Variants in NLGN1 observed in about 807,000 individuals in gnomAD.
The protein encoded by NLGN1 is neuroligin-1.
In NLGN1, 12 loss-of-function variants were observed where a neutral mutation model predicts 65.5. The ratio of observed to expected loss-of-function variants is 0.18; its 90% CI spans 0.12 to 0.30. NLGN1 has a LOEUF of 0.30. NLGN1 is among the 10% of genes least tolerant of loss of function. The pLI is 1.00. For missense variants in NLGN1, 750 were observed against 1,007.1 expected (o/e 0.74, Z 3.46); for synonymous variants, 350 against 359.5 (o/e 0.97, Z 0.30).
chr3:174,126,327 T>C (rs1718939568), intron 4 of NLGN1, among the ~76,000 whole-genome samples: 1 of 152,044 alleles, frequency 6.6e-6, no homozygotes, highest in Non-Finnish European at 1.5e-5. Flanking sequence ...CACCAGACCA[T>C]AGTGTAGAGG....
chr3:174,229,148 T>C (rs2152815097), intron 4 of NLGN1, among the ~76,000 whole-genome samples: 1 of 152,234 alleles, frequency 6.6e-6, no homozygotes, highest in East Asian at 1.9e-4. Flanking sequence ...CAGTTTTCAT[T>C]ATATAGAATT....
At chr3:173,600,592 C>CTT (rs150984290) in intron 2 of NLGN1, among the ~76,000 whole-genome samples, 2 of 103,478 alleles carry the variant, frequency 1.9e-5, no homozygotes, top group Non-Finnish European at 3.9e-5. Context: ...AAAAACATAT[C>CTT]TTTTTTTTTA....
At chr3:173,986,080 T>C (rs1278728577) in intron 4 of NLGN1, among the ~76,000 whole-genome samples, 2 of 152,182 alleles carry the variant, frequency 1.3e-5, no homozygotes, top group Admixed American at 6.5e-5. Context: ...TATTTGTAAA[T>C]AGAGTCATTG....
At chr3:173,718,745 A>G (rs548319353) in intron 3 of NLGN1, among the ~76,000 whole-genome samples, 21 of 152,294 alleles carry the variant, frequency 1.4e-4, no homozygotes, top group African/African-American at 5.1e-4. Flanking sequence ...ATATGGCTTT[A>G]TCTGATGCAA....
intron 4 of NLGN1, among the ~76,000 whole-genome samples, chr3:174,014,312 C>T (rs1199057027): frequency 1.3e-5 from 2 of 152,286 alleles, no homozygotes; most frequent in East Asian, 3.9e-4. Context: ...CTCCAGACTT[C>T]TTAATACACC....
intron 4 of NLGN1, among the ~76,000 whole-genome samples, chr3:174,228,068 CT>C (rs1470775875): frequency 6.6e-6 from 1 of 151,810 alleles, no homozygotes; most frequent in Non-Finnish European, 1.5e-5. Flanking sequence ...GTGTTTTTCT[CT>C]CTCCATTTTT....
intron 3 of NLGN1, among the ~76,000 whole-genome samples, chr3:173,663,859 CTT>C (rs377287677): frequency 1.0e-4 from 15 of 145,044 alleles, no homozygotes; most frequent in Admixed American, 2.8e-4. Context: ...ATCACTGCTA[CTT>C]TTTTTTTTTT....
chr3:174,171,648 C>T, intron 4 of NLGN1, among the ~76,000 whole-genome samples: 1 of 152,174 alleles, frequency 6.6e-6, no homozygotes, highest in South Asian at 2.1e-4. Context: ...AGCATTTTTA[C>T]AGAGTTGTCA....
intron 4 of NLGN1, among the ~76,000 whole-genome samples, chr3:174,105,671 G>C (rs1713568077): frequency 1.5e-5 from 2 of 131,982 alleles, no homozygotes; most frequent in South Asian, 4.9e-4. Context: ...CTTCCTTGGA[G>C]ACATAATATC....
At chr3:173,650,883 C>G (rs559947507) in intron 3 of NLGN1, among the ~76,000 whole-genome samples, 3 of 148,258 alleles carry the variant, frequency 2.0e-5, no homozygotes, top group Non-Finnish European at 4.5e-5. Flanking sequence ...GCTACTGCCT[C>G]TTGTTATTTT....
intron 4 of NLGN1, among the ~76,000 whole-genome samples, chr3:173,957,820 C>G (rs1488575462): frequency 1.3e-5 from 2 of 152,182 alleles, no homozygotes; most frequent in Non-Finnish European, 2.9e-5. Flanking sequence ...TTTGCTTGGG[C>G]CTGCTGGGCT....
chr3:174,119,245 A>G (rs1717235569), intron 4 of NLGN1, among the ~76,000 whole-genome samples: 1 of 152,146 alleles, frequency 6.6e-6, no homozygotes, highest in Non-Finnish European at 1.5e-5. Flanking sequence ...TTCCAGACCC[A>G]CTTCTATGCA....
chr3:173,747,806 T>TC (rs1775732329), intron 3 of NLGN1, among the ~76,000 whole-genome samples: 1 of 114,178 alleles, frequency 8.8e-6, no homozygotes, highest in Non-Finnish European at 1.8e-5. Context: ...TTGTTCTTTT[T>TC]TTTTTTTTTT....
At chr3:173,635,253 CT>C (rs1327856743) in intron 3 of NLGN1, among the ~76,000 whole-genome samples, 2 of 152,050 alleles carry the variant, frequency 1.3e-5, no homozygotes, top group Non-Finnish European at 2.9e-5. Flanking sequence ...TTTATTTTTA[CT>C]CCTGTGACTC....
intron 2 of NLGN1, among the ~76,000 whole-genome samples, chr3:173,459,274 A>T (rs80114419): frequency 0.13 from 19,772 of 151,748 alleles, 1,445 homozygotes; most frequent in South Asian, 0.23. Context: ...TGCATTTTTT[A>T]AAAAAAATAG....
intron 3 of NLGN1, among the ~76,000 whole-genome samples, chr3:173,780,276 CTG>C (rs1466244247): frequency 6.6e-6 from 1 of 152,178 alleles, no homozygotes; most frequent in African/African-American, 2.4e-5. Context: ...ATGTTTCTCT[CTG>C]TATGATATAT....
intron 3 of NLGN1, among the ~76,000 whole-genome samples, chr3:173,676,242 A>G (rs1763155745): frequency 6.6e-6 from 1 of 152,120 alleles, no homozygotes; most frequent in Non-Finnish European, 1.5e-5. Context: ...GAGCTGAGGT[A>G]GTGATGCCTT....
chr3:174,079,984 A>G (rs755270674), intron 4 of NLGN1, among the ~76,000 whole-genome samples: 1 of 152,158 alleles, frequency 6.6e-6, no homozygotes, highest in Non-Finnish European at 1.5e-5. Context: ...ACAAACCCCC[A>G]TGACACAAGT....
At chr3:173,844,296 T>TAG (rs1725337597) in intron 4 of NLGN1, among the ~76,000 whole-genome samples, 1 of 152,020 alleles carries the variant, frequency 6.6e-6, no homozygotes, top group African/African-American at 2.4e-5. Context: ...TGTCAAGAAG[T>TAG]TTGGTAGTAG....
Sources: gnomAD v4.1 joint callset for allele counts (sites outside exome capture counted in the v4.1 genomes callset) on GRCh38, gnomAD v4.1.1 for gene constraint, MANE v1.5 for transcripts, NCBI Gene and HGNC (gene_info 2026-07-23, HGNC 2026-07-21) for gene names.